Variants in SHOC1 observed in about 807,000 individuals in gnomAD.
SHOC1 encodes protein shortage in chiasmata 1 ortholog.
A neutral mutation model predicts 179.2 loss-of-function variants in SHOC1; 136 were observed. The ratio of observed to expected loss-of-function variants is 0.76; its 90% CI spans 0.66 to 0.87. The LOEUF is 0.87. SHOC1 is among the 40% of genes least tolerant of loss of function. The pLI, the probability that SHOC1 is intolerant of heterozygous loss-of-function variation, is 0.00. For synonymous variants in SHOC1, 489 were observed against 586.6 expected, an observed-to-expected ratio of 0.83 and a Z score of 2.41; for missense variants, 1,538 against 1,700.8, an observed-to-expected ratio of 0.90 and a Z score of 1.68.
intron 12 of SHOC1, among the ~76,000 whole-genome samples, chr9:111,733,895 T>C (rs1247057088): frequency 6.6e-6 from 1 of 151,928 alleles, no homozygotes; most frequent in East Asian, 1.9e-4. Flanking sequence ...TAAAACACCA[T>C]ATGAGTCAAT....
In SHOC1 at chr9:111,727,664, C is replaced by T; in HGVS notation, c.1803G>A (p.Lys601=). The T allele has an allele frequency of 6.3e-7, 1 of 1,592,796 alleles. No individual in the cohort carries two copies. The highest frequency in any genetic ancestry group is 1.4e-5 in the African/African-American group (1 of 73,676). ...TTTCATCACTGTTTGTGACTTCAGT[C>T]TTTGAGGTGCAAGTCTTATATTTAT... ...LRNKYKTCTS[K]TEVTNSDEKH... The change falls in exon 13 of 28, where the codon AAG becomes AAA. Residue 601 remains lysine, a synonymous_variant. Coordinates refer to ENST00000682961, the MANE Select transcript of SHOC1 (RefSeq NM_001378211.1).
intron 3 of SHOC1, among the ~76,000 whole-genome samples, chr9:111,782,866 G>C (rs751485441): frequency 3.3e-5 from 5 of 152,082 alleles, no homozygotes; most frequent in Admixed American, 6.5e-5. Flanking sequence ...ATAGAAAACT[G>C]ATACAGAGAA....
Position 111,756,470 on chromosome 9 carries a change from ACTT to A in SHOC1, c.714_716del (p.Ser239del), listed in dbSNP as rs1231699040. Reference sequence around the variant, plus strand: ...TTAAGAATTCATACTCAATAAGAAAACTTGACGGCTGAAAAAACATAGTTTAAA... The same window carrying A: ...TTAAGAATTCATACTCAATAAGAAAAGACGGCTGAAAAAACATAGTTTAAA... On this transcript the variant is annotated inframe_deletion, in exon 8 of 28. Coordinates refer to ENST00000682961, the MANE Select transcript of SHOC1 (RefSeq NM_001378211.1). 1.3e-6 allele frequency: 2 copies of A among 1,589,164 alleles called. No homozygotes were observed. The highest frequency in any genetic ancestry group is 1.7e-6 in the Non-Finnish European group (2 of 1,173,992).
At chr9:111,763,161 T>G (rs1835210091) in intron 5 of SHOC1, among the ~76,000 whole-genome samples, 1 of 151,802 alleles carries the variant, frequency 6.6e-6, no homozygotes, top group African/African-American at 2.4e-5. Context: ...ATATATAAAA[T>G]CTTTATGAAG....
chr9:111,770,230 T>G (rs1217889374), intron 5 of SHOC1, among the ~76,000 whole-genome samples: 2 of 152,134 alleles, frequency 1.3e-5, no homozygotes, highest in East Asian at 3.8e-4. Flanking sequence ...ATTTCCATTT[T>G]CATTTATTTG....
intron 5 of SHOC1, among the ~76,000 whole-genome samples, chr9:111,771,319 C>G (rs1420705807): frequency 6.7e-6 from 1 of 150,258 alleles, no homozygotes; most frequent in Non-Finnish European, 1.5e-5. Context: ...CACATTTTGA[C>G]TTAGTTGTCT....
At chr9:111,771,250 A>G (rs1835594835) in intron 5 of SHOC1, among the ~76,000 whole-genome samples, 1 of 152,180 alleles carries the variant, frequency 6.6e-6, no homozygotes, top group African/African-American at 2.4e-5. Flanking sequence ...AAGAGATAAT[A>G]TTTTGGATTA....
Position 111,722,480 on chromosome 9 carries a change from G to T in SHOC1, c.2060C>A (p.Thr687Asn). ...AAACCTTGTTTGGTCAAAAATAACA[G>T]TGGCAAATTTCCAATTAGCAGTAGG... ...TLPTANWKFA[T>N]VIFDQTRFLL... Residue 687 changes from threonine to asparagine, a missense_variant, in exon 15 of 28, where the codon ACT becomes AAT. Transcript: ENST00000682961. The T allele has an allele frequency of 6.2e-7, 1 of 1,612,490 alleles. No homozygotes were observed. Among genetic ancestry groups the T allele is most frequent in the Non-Finnish European group, 8.5e-7 (1 of 1,179,670 alleles).
Position 111,759,169 on chromosome 9 carries a change from C to G in SHOC1, c.443-321G>C, listed in dbSNP as rs779811916. ...TTATGGACTTACACTTCAAAATAGC[C>G]AGGCGTAGCCTAAGCAAAATTTTAA... is the stretch of plus-strand genomic sequence containing the variant. On this transcript the variant is annotated intron_variant, in intron 5 of 27. Coordinates refer to ENST00000682961, the MANE Select transcript of SHOC1 (RefSeq NM_001378211.1). 2.5e-6 allele frequency: 4 copies of G among 1,608,116 alleles called. No homozygotes were observed. In the African/African-American group the frequency reaches 5.4e-5, roughly 22 times the overall value.
At chr9:111,782,578 G>GA (rs146461727) in intron 3 of SHOC1, among the ~76,000 whole-genome samples, 8,669 of 151,262 alleles carry the variant, frequency 0.057, 606 homozygotes, top group African/African-American at 0.17. Flanking sequence ...AAAATTACTG[G>GA]AAAAAAAATC....
At chr9:111,735,453 T>A (rs1381376615) in intron 12 of SHOC1, among the ~76,000 whole-genome samples, 1 of 152,062 alleles carries the variant, frequency 6.6e-6, no homozygotes, top group Non-Finnish European at 1.5e-5. Flanking sequence ...TCTGTTCCTG[T>A]GTTAGTTTGC....
rs191845032 is a variant in SHOC1, at chr9:111,717,462, G to A, written c.2236+722C>T. On this transcript the variant is annotated intron_variant, in intron 16 of 27. Coordinates refer to ENST00000682961, the MANE Select transcript of SHOC1 (RefSeq NM_001378211.1). ...TACAAAATTAGCCAGGCATGGTGGC[G>A]GGCGCCTGTAATTCCAGCTTCCTGG... Among the ~76,000 whole-genome samples the A allele has an allele frequency of 2.4e-3, 370 of 152,018 alleles. 1 individual carries two copies. The highest frequency in any genetic ancestry group is 3.8e-3 in the Non-Finnish European group (260 of 67,964).
At chr9:111,781,140 A>G in intron 3 of SHOC1, 123 bp from the exon 4 acceptor site, 1 of 686,648 alleles carries the variant, frequency 1.5e-6, no homozygotes. Flanking sequence ...GTATTTTTTC[A>G]AAGTGATACC....
At position 111,720,882 on chromosome 9, in the gene SHOC1, A is replaced by G. The variant is rs1040575635; in HGVS notation, c.2131+1527T>C. ...TCAGCGTCCTTTTCTGGTCATTCTA[A>G]TATCTTTGTTGATTCTGGGTTTGTT... On this transcript the variant is annotated intron_variant, in intron 15 of 27. Transcript: ENST00000682961. Among the ~76,000 whole-genome samples, 9 of 152,280 alleles carry G rather than the reference A, an allele frequency of 5.9e-5. No individual in the cohort carries two copies. In the South Asian group the frequency reaches 8.3e-4, roughly 14 times the overall value.
intron 23 of SHOC1, 115 bp from the exon 24 acceptor site, chr9:111,700,162 A>G: frequency 1.7e-6 from 1 of 575,426 alleles, no homozygotes; most frequent in Non-Finnish European, 2.8e-6. Flanking sequence ...AGCTAAGACA[A>G]TACTAGTGTG....
chr9:111,743,370 A>C (rs1233689185), intron 10 of SHOC1, among the ~76,000 whole-genome samples: 1 of 152,210 alleles, frequency 6.6e-6, no homozygotes, highest in Non-Finnish European at 1.5e-5. Context: ...ATATTCCATA[A>C]ACAATTCATA....
At chr9:111,751,704 G>T (rs1011943783) in intron 8 of SHOC1, among the ~76,000 whole-genome samples, 4 of 152,060 alleles carry the variant, frequency 2.6e-5, no homozygotes. Context: ...TTCAAATGAG[G>T]TTATAATTGA....
At chr9:111,784,849 G>T (rs1452770229) in intron 3 of SHOC1, among the ~76,000 whole-genome samples, 2 of 152,006 alleles carry the variant, frequency 1.3e-5, no homozygotes, top group Admixed American at 1.3e-4. Context: ...GCTCTTTGGG[G>T]TCTCTTTTAT....
chr9:111,769,219 T>C (rs1273332076), intron 5 of SHOC1, among the ~76,000 whole-genome samples: 1 of 152,170 alleles, frequency 6.6e-6, no homozygotes, highest in Non-Finnish European at 1.5e-5. Context: ...AGTTTTCTTT[T>C]TTCTTGTTGT....
Sources: allele counts gnomAD v4.1 joint callset (sites outside exome capture counted in the v4.1 genomes callset), GRCh38; gene constraint gnomAD v4.1.1; transcripts MANE v1.5; gene names NCBI Gene and HGNC (gene_info 2026-07-23, HGNC 2026-07-21).